ZNF804B: variants seen among roughly 807,000 people sequenced by gnomAD.
ZNF804B encodes the protein zinc finger 804B.
A neutral mutation model predicts 101.4 loss-of-function variants in ZNF804B; 80 were observed. The ratio of observed to expected loss-of-function variants is 0.79; its 90% CI spans 0.66 to 0.95. The LOEUF (loss-of-function observed/expected upper bound fraction) is 0.95, where lower values mean the gene tolerates loss of function less well. ZNF804B is among the 40% of genes least tolerant of loss of function. ZNF804B has a pLI of 0.00. For synonymous variants in ZNF804B, 622 were observed against 558.8 expected, an observed-to-expected ratio of 1.11 and a Z score of -1.59; for missense variants, 1,673 against 1,561.9, an observed-to-expected ratio of 1.07 and a Z score of -1.20.
chr7:89,205,975 C>T (rs576690517), intron 1 of ZNF804B, among the ~76,000 whole-genome samples: 5 of 152,194 alleles, frequency 3.3e-5, no homozygotes, highest in Non-Finnish European at 5.9e-5. Context: ...GAAATCTAGG[C>T]GGAGGTTCCC....
At chr7:88,877,599 G>T (rs1234280406) in intron 1 of ZNF804B, among the ~76,000 whole-genome samples, 2 of 152,022 alleles carry the variant, frequency 1.3e-5, no homozygotes, top group African/African-American at 2.4e-5. Flanking sequence ...AGGTGTGATT[G>T]TGGCCTAGTT....
intron 1 of ZNF804B, among the ~76,000 whole-genome samples, chr7:89,077,219 G>A (rs182438687): frequency 6.6e-6 from 1 of 152,296 alleles, no homozygotes; most frequent in East Asian, 1.9e-4. Context: ...CAGACCTGGA[G>A]AAATTCAGAA....
At chr7:89,167,330 C>T (rs1791159025) in intron 1 of ZNF804B, among the ~76,000 whole-genome samples, 1 of 151,308 alleles carries the variant, frequency 6.6e-6, no homozygotes, top group Non-Finnish European at 1.5e-5. Flanking sequence ...GTAATCTCAG[C>T]TACTTGGGAG....
chr7:89,318,141 T>G (rs1053337582), intron 2 of ZNF804B, among the ~76,000 whole-genome samples: 3 of 152,204 alleles, frequency 2.0e-5, no homozygotes, highest in African/African-American at 7.2e-5. Flanking sequence ...TAACTTCTAC[T>G]GATTATAAAT....
chr7:89,044,651 A>G (rs895063608), intron 1 of ZNF804B, among the ~76,000 whole-genome samples: 1 of 152,120 alleles, frequency 6.6e-6, no homozygotes, highest in African/African-American at 2.4e-5. Flanking sequence ...TGGGAACTGG[A>G]GTAAAAATGA....
At chr7:89,121,988 T>G (rs1376385813) in intron 1 of ZNF804B, among the ~76,000 whole-genome samples, 5 of 151,902 alleles carry the variant, frequency 3.3e-5, no homozygotes, top group African/African-American at 1.2e-4. Flanking sequence ...AAAAATGTGC[T>G]AATTTAAAAT....
rs545912524 is a variant in ZNF804B at position 89,217,156 on chromosome 7, C to T, written c.109-999C>T. On this transcript the variant is annotated intron_variant, in intron 1 of 3. Transcript: ENST00000333190. ...AGACATGAAAACAGATAATTTAATG[C>T]TATGTGACATATCTGGTAATAGAAT... is the stretch of plus-strand genomic sequence containing the variant. 3.3e-5 allele frequency among the ~76,000 whole-genome samples: 5 copies of T among 152,148 alleles called. No individual in the cohort carries two copies. In the South Asian group the frequency reaches 6.2e-4, roughly 19 times the overall value.
chr7:89,235,349 C>T (rs1789264741), intron 2 of ZNF804B, among the ~76,000 whole-genome samples: 1 of 152,062 alleles, frequency 6.6e-6, no homozygotes, highest in Non-Finnish European at 1.5e-5. Flanking sequence ...AAGTCTTCTC[C>T]ATAAAGTCAA....
chr7:89,240,764 A>G (rs1363024758), intron 2 of ZNF804B, among the ~76,000 whole-genome samples: 1 of 152,110 alleles, frequency 6.6e-6, no homozygotes, highest in Non-Finnish European at 1.5e-5. Flanking sequence ...GGAGCAGAGC[A>G]TAATTTCTTG....
chr7:89,068,883 C>A (rs1163661879), intron 1 of ZNF804B, among the ~76,000 whole-genome samples: 3 of 152,102 alleles, frequency 2.0e-5, no homozygotes, highest in African/African-American at 7.2e-5. Context: ...TCTCCCTAAG[C>A]CTGTTTTAGA....
chr7:88,832,941 C>T (rs1382573666), intron 1 of ZNF804B, among the ~76,000 whole-genome samples: 1 of 151,914 alleles, frequency 6.6e-6, no homozygotes, highest in African/African-American at 2.4e-5. Flanking sequence ...ACTATGAACT[C>T]TGAGGAATTT....
At chr7:89,256,922 C>T (rs1222079564) in intron 2 of ZNF804B, among the ~76,000 whole-genome samples, 3 of 152,132 alleles carry the variant, frequency 2.0e-5, no homozygotes, top group Non-Finnish European at 4.4e-5. Context: ...TACAATTATT[C>T]TCTAAACTAC....
intron 1 of ZNF804B, among the ~76,000 whole-genome samples, chr7:88,895,809 G>A (rs1792275150): frequency 6.6e-6 from 1 of 152,158 alleles, no homozygotes; most frequent in Non-Finnish European, 1.5e-5. Context: ...AACTGTATTG[G>A]ATTATAACCA....
At chr7:89,230,532 TGTAAATAA>T (rs1725336400) in intron 2 of ZNF804B, among the ~76,000 whole-genome samples, 1 of 152,096 alleles carries the variant, frequency 6.6e-6, no homozygotes, top group Non-Finnish European at 1.5e-5. Context: ...AAACTAAGTA[TGTAAATAA>T]GTAAATAAGA....
At chr7:88,812,230 A>T (rs1163266183) in intron 1 of ZNF804B, among the ~76,000 whole-genome samples, 1 of 152,168 alleles carries the variant, frequency 6.6e-6, no homozygotes, top group East Asian at 1.9e-4. Flanking sequence ...AAAGAAATTG[A>T]CCTTTATCCA....
intron 1 of ZNF804B, among the ~76,000 whole-genome samples, chr7:88,891,780 T>C (rs778756263): frequency 5.3e-5 from 8 of 152,108 alleles, no homozygotes; most frequent in Non-Finnish European, 1.0e-4. Context: ...AGGGTACATG[T>C]GCACAACGTG....
At chr7:89,078,246 G>T (rs1462035552) in intron 1 of ZNF804B, among the ~76,000 whole-genome samples, 1 of 152,010 alleles carries the variant, frequency 6.6e-6, no homozygotes, top group African/African-American at 2.4e-5. Flanking sequence ...TTGCATCAAT[G>T]ACTTGAGCAC....
chr7:89,155,201 C>T (rs1191331110), intron 1 of ZNF804B, among the ~76,000 whole-genome samples: 1 of 152,118 alleles, frequency 6.6e-6, no homozygotes, highest in Non-Finnish European at 1.5e-5. Context: ...AATATCTACT[C>T]AGTTTTTGGT....
rs35455315 is a variant in ZNF804B, at chr7:88,834,593, G to A, written c.108+74509G>A. ...TGATTTATAGATTATCTTGATTGGC[G>A]TGATGGTATTATGGGTTTTTATATT... is the stretch of plus-strand genomic sequence containing the variant. On this transcript the variant is annotated intron_variant, in intron 1 of 3. Transcript: ENST00000333190. Among the ~76,000 whole-genome samples the A allele has an allele frequency of 5.2e-3, 784 of 151,580 alleles. 4 individuals carry two copies. Among genetic ancestry groups the A allele is most frequent in the Non-Finnish European group, 8.4e-3 (569 of 67,716 alleles).
Sources: allele counts gnomAD v4.1 joint callset (sites outside exome capture counted in the v4.1 genomes callset), GRCh38; gene constraint gnomAD v4.1.1; transcripts MANE v1.5; gene names NCBI Gene and HGNC (gene_info 2026-07-23, HGNC 2026-07-21).